The following ARHGAP29 variants were observed in gnomAD, a reference collection of about 807,000 sequenced individuals.
ARHGAP29 encodes Rho GTPase activating protein 29.
A neutral mutation model predicts 122.6 loss-of-function variants in ARHGAP29; 43 were observed. The observed-to-expected ratio is 0.35, with a 90% confidence interval of 0.27 to 0.45. The LOEUF is 0.45. Ranked by LOEUF, ARHGAP29 falls within the 20% of genes least tolerant of loss-of-function variation. The probability of loss-of-function intolerance (pLI) is 1.00; values close to 1 mark genes in which losing one functional copy is unlikely to be tolerated. For missense variants in ARHGAP29, 1,303 were observed against 1,477.2 expected (o/e 0.88, Z 1.93); for synonymous variants, 506 against 497.1 (o/e 1.02, Z -0.24).
intron 1 of ARHGAP29, among the ~76,000 whole-genome samples, chr1:94,264,837 G>T (rs1049655635): frequency 1.3e-5 from 2 of 152,064 alleles, no homozygotes; most frequent in Non-Finnish European, 2.9e-5. Context: ...TGTGAAATGG[G>T]GCTATATTTT....
At chr1:94,276,780 CAAAAAAAAAAAA>C (rs34090768), upstream of ARHGAP29, among the ~76,000 whole-genome samples, 9 of 40,634 alleles carry the variant, frequency 2.2e-4, no homozygotes, top group South Asian at 6.4e-3. Context: ...GACCCTGTCT[CAAAAAAAAAAAA>C]AAAAAAAAAA....
At chr1:94,201,142 T>C (rs886225703) in intron 12 of ARHGAP29, among the ~76,000 whole-genome samples, 1 of 152,178 alleles carries the variant, frequency 6.6e-6, no homozygotes, top group Non-Finnish European at 1.5e-5. Flanking sequence ...TTCTGAAGAA[T>C]ATATCTCAGA....
intron 3 of ARHGAP29, among the ~76,000 whole-genome samples, chr1:94,218,727 T>G (rs1277232254): frequency 6.6e-6 from 1 of 152,154 alleles, no homozygotes; most frequent in Non-Finnish European, 1.5e-5. Context: ...TCATCTACAT[T>G]TTTTTCAGTG....
chr1:94,237,542 C>T lies in ARHGAP29; in HGVS notation c.-160G>A. The T allele has an allele frequency of 1.0e-6, 1 of 990,924 alleles. No homozygotes were observed. Among genetic ancestry groups the T allele is most frequent in the South Asian group, 4.5e-5 (1 of 22,390 alleles). 61.4% of individuals were successfully genotyped at this position (990,924 alleles called of 1,614,324 possible). A position where few individuals can be genotyped will look rare whatever the true frequency, so the allele number is the denominator to read the frequency against. On this transcript the variant is annotated 5_prime_UTR_variant, in exon 1 of 23. Coordinates refer to ENST00000260526, the MANE Select transcript of ARHGAP29 (RefSeq NM_004815.4). ...TGCGGACGCCCGGCCAAATCTCAGC[C>T]GCAGCCGCAGCCGCAGCCACAGCCA...
chr1:94,200,534 C>T (rs1176548137), intron 12 of ARHGAP29, among the ~76,000 whole-genome samples: 1 of 152,092 alleles, frequency 6.6e-6, no homozygotes, highest in Admixed American at 6.5e-5. Context: ...GCCAGTAATC[C>T]CACTCCTGGT....
intron 13 of ARHGAP29, 102 bp from the exon 14 acceptor site, chr1:94,189,454 A>G: frequency 2.3e-6 from 3 of 1,318,860 alleles, no homozygotes; most frequent in Non-Finnish European, 3.0e-6. Flanking sequence ...TTTAACAATC[A>G]TAGAAGAATT....
chr1:94,261,430 CA>C (rs1367179058), intron 1 of ARHGAP29, among the ~76,000 whole-genome samples: 1 of 152,118 alleles, frequency 6.6e-6, no homozygotes, highest in African/African-American at 2.4e-5. Context: ...TACATCTCAA[CA>C]AAATTAAGAC....
At chr1:94,243,086 C>A (rs1435413996) in intron 1 of ARHGAP29, among the ~76,000 whole-genome samples, 1 of 151,962 alleles carries the variant, frequency 6.6e-6, no homozygotes, top group African/African-American at 2.4e-5. Context: ...ATAGACAAAT[C>A]CCCAATGACA....
chr1:94,180,647 G>A (rs1408124214), intron 19 of ARHGAP29, among the ~76,000 whole-genome samples: 1 of 152,170 alleles, frequency 6.6e-6, no homozygotes, highest in East Asian at 1.9e-4. Flanking sequence ...TGGTCCTAGA[G>A]AGGGGTAGCC....
chr1:94,202,481 C>T, intron 11 of ARHGAP29, 63 bp downstream of exon 11: 2 of 1,585,160 alleles, frequency 1.3e-6, no homozygotes, highest in Non-Finnish European at 1.7e-6. Flanking sequence ...AGAACTTTGA[C>T]ACCAAACTCC....
At chr1:94,307,748 T>C in the ARHGAP29 span, among the ~76,000 whole-genome samples, 2 of 152,192 alleles carry the variant, frequency 1.3e-5, no homozygotes, top group African/African-American at 4.8e-5. Flanking sequence ...AAGTTATATG[T>C]CTACTACTCA....
intron 14 of ARHGAP29, 116 bp downstream of exon 14, chr1:94,189,100 T>A (rs1056307034): frequency 1.7e-5 from 24 of 1,415,232 alleles, no homozygotes; most frequent in Middle Eastern, 1.8e-4. Flanking sequence ...TAAGATCTCA[T>A]AAACTTACAA....
rs1218232662 is a variant in ARHGAP29 at position 94,174,296 on chromosome 1, T to C, written c.3359A>G (p.Asn1120Ser). The change falls in exon 23 of 23, where the codon AAT (asparagine) becomes AGT (serine). Residue 1120 changes from asparagine (N) to serine (S), a missense_variant. By Grantham distance (46) the Asn-to-Ser change is conservative (BLOSUM62 1). Around this residue, in one of 3 missense-constraint regions of ARHGAP29, gnomAD observed 620 missense variants for 651.2 expected, o/e 0.95. Transcript: ENST00000260526. ...ATATGGCTTACTGGGTTGAGTGGCATTGATAGAATGGTCCCCACTAATCTG... is the reference window on the plus strand; with the variant it reads ...ATATGGCTTACTGGGTTGAGTGGCACTGATAGAATGGTCCCCACTAATCTG... ...SLQISGDHSI[N>S]ATQPSKPYAE... 3.7e-6 allele frequency: 6 copies of C among 1,614,192 alleles called. No homozygotes were observed. Among genetic ancestry groups the C allele is most frequent in the Admixed American group, 1.7e-5 (1 of 60,022 alleles).
the ARHGAP29 span, among the ~76,000 whole-genome samples, chr1:94,296,642 C>T: frequency 6.6e-6 from 1 of 152,150 alleles, no homozygotes; most frequent in African/African-American, 2.4e-5. Context: ...CCAAACCCCA[C>T]CAGAAAGTAG....
chr1:94,182,031 T>C (rs535278830), intron 19 of ARHGAP29, among the ~76,000 whole-genome samples: 1 of 152,190 alleles, frequency 6.6e-6, no homozygotes, highest in Admixed American at 6.5e-5. Context: ...TACTAGAAAA[T>C]TTAATACTGT....
At chr1:94,274,352 A>C (rs1362760970) in intron 1 of ARHGAP29, among the ~76,000 whole-genome samples, 1 of 152,222 alleles carries the variant, frequency 6.6e-6, no homozygotes, top group African/African-American at 2.4e-5. Context: ...AGTGGGCCTA[A>C]TCACTGTGAA....
chr1:94,186,275 T>C (rs1649795990), intron 16 of ARHGAP29, among the ~76,000 whole-genome samples: 1 of 152,216 alleles, frequency 6.6e-6, no homozygotes, highest in Non-Finnish European at 1.5e-5. Context: ...TTACATCCAG[T>C]AGTTTTGCTG....
upstream of ARHGAP29, among the ~76,000 whole-genome samples, chr1:94,240,091 T>C (rs1653520408): frequency 1.3e-5 from 2 of 152,158 alleles, no homozygotes; most frequent in Admixed American, 6.5e-5. Context: ...CTGTCCCTCA[T>C]AGCTGCTCTG....
intron 1 of ARHGAP29, among the ~76,000 whole-genome samples, chr1:94,268,273 G>A (rs1343984528): frequency 6.6e-6 from 1 of 151,904 alleles, no homozygotes; most frequent in African/African-American, 2.4e-5. Context: ...TCTTCTTTAA[G>A]TTTTTGTTCA....
Sources: gnomAD v4.1 joint callset for allele counts (sites outside exome capture counted in the v4.1 genomes callset) on GRCh38, gnomAD v4.1.1 for gene constraint, gnomAD v4.1.1 regional missense constraint, MANE v1.5 for transcripts, NCBI Gene and HGNC (gene_info 2026-07-23, HGNC 2026-07-21) for gene names.